TBC1D22B: variants seen among roughly 807,000 people sequenced by gnomAD.
TBC1D22B encodes TBC1 domain family member 22B.
TBC1D22B carries 32 observed loss-of-function variants against 69.1 expected under a neutral mutation model. That is an observed-to-expected ratio of 0.46 (90% CI 0.35 to 0.62). TBC1D22B has a LOEUF of 0.62. TBC1D22B is among the 20% of genes least tolerant of loss of function. The pLI is 0.00. For synonymous variants in TBC1D22B, 206 were observed against 229.8 expected (o/e 0.90, Z 0.94); for missense variants, 462 against 630.9 (o/e 0.73, Z 2.87).
At chr6:37,330,034 A>G (rs1333523020) in intron 12 of TBC1D22B, among the ~76,000 whole-genome samples, 1 of 152,208 alleles carries the variant, frequency 6.6e-6, no homozygotes, top group African/African-American at 2.4e-5. Flanking sequence ...CGGATCAGCT[A>G]GGAGCAGGGT....
At chr6:37,285,280 G>A (rs1043370461) in intron 6 of TBC1D22B, among the ~76,000 whole-genome samples, 3 of 139,272 alleles carry the variant, frequency 2.2e-5, no homozygotes, top group Admixed American at 7.2e-5. Context: ...TTCAGCTTCA[G>A]TTACTGAAGG....
chr6:37,328,853 A>G (rs1768504297), intron 12 of TBC1D22B, among the ~76,000 whole-genome samples: 1 of 152,026 alleles, frequency 6.6e-6, no homozygotes. Context: ...CAGCCTCCCA[A>G]GTAGCTGGGA....
At chr6:37,316,656 A>G (rs1768089340) in intron 10 of TBC1D22B, 47 bp from the exon 11 acceptor site, 1 of 1,609,658 alleles carries the variant, frequency 6.2e-7, no homozygotes, top group African/African-American at 1.3e-5. Context: ...TGGCCCTTTC[A>G]GGGTCCAGTC....
chr6:37,306,915 G>C (rs946218163), intron 8 of TBC1D22B, among the ~76,000 whole-genome samples: 3 of 152,170 alleles, frequency 2.0e-5, no homozygotes, highest in African/African-American at 7.2e-5. Flanking sequence ...CCACCTCCCA[G>C]TGGGTCTCTT....
chr6:37,285,829 C>T (rs1382354508), intron 6 of TBC1D22B, among the ~76,000 whole-genome samples: 1 of 152,190 alleles, frequency 6.6e-6, no homozygotes, highest in Admixed American at 6.5e-5. Context: ...ACCATGTTGG[C>T]CAGGCTGGTC....
intron 8 of TBC1D22B, among the ~76,000 whole-genome samples, chr6:37,293,878 C>T (rs549637737): frequency 6.6e-6 from 1 of 152,300 alleles, no homozygotes; most frequent in Non-Finnish European, 1.5e-5. Context: ...ATGAACTAGC[C>T]ACAACATTCC....
intron 2 of TBC1D22B, 43 bp downstream of exon 2, chr6:37,269,693 C>T (rs772658453): frequency 1.9e-6 from 3 of 1,557,506 alleles, no homozygotes; most frequent in Non-Finnish European, 2.7e-6. Flanking sequence ...CTGCTGTCAC[C>T]CCTATACCCT....
intron 8 of TBC1D22B, among the ~76,000 whole-genome samples, chr6:37,306,006 T>C (rs1038162619): frequency 2.0e-5 from 3 of 152,204 alleles, no homozygotes; most frequent in Non-Finnish European, 2.9e-5. Context: ...TCCCATGTGA[T>C]AGGCAGCTGA....
intron 4 of TBC1D22B, 48 bp from the exon 5 acceptor site, chr6:37,282,834 A>G: frequency 6.3e-7 from 1 of 1,592,132 alleles, no homozygotes; most frequent in Non-Finnish European, 8.6e-7. Flanking sequence ...GGTTTGCTTT[A>G]GAGCATTTGT....
At chr6:37,285,897 C>T (rs1766992046) in intron 6 of TBC1D22B, among the ~76,000 whole-genome samples, 1 of 152,258 alleles carries the variant, frequency 6.6e-6, no homozygotes, top group South Asian at 2.1e-4. Flanking sequence ...GCTGGGATCA[C>T]AGGCGTGAGC....
intron 10 of TBC1D22B, among the ~76,000 whole-genome samples, chr6:37,315,392 A>G (rs1768045870): frequency 6.6e-6 from 1 of 152,056 alleles, no homozygotes; most frequent in South Asian, 2.1e-4. Flanking sequence ...CCCCATCTCT[A>G]CAAAAAATTT....
chr6:37,303,045 G>A (rs930271873), intron 8 of TBC1D22B, among the ~76,000 whole-genome samples: 2 of 152,176 alleles, frequency 1.3e-5, no homozygotes, highest in Non-Finnish European at 2.9e-5. Flanking sequence ...AAGGAAGCAA[G>A]GCATACTTCT....
Position 37,284,470 on chromosome 6 carries a change from G to C in TBC1D22B, c.801+6G>C, listed in dbSNP as rs781322335. ...ACCAGGATACCTACAGACAGGTACA[G>C]TCACCACCTGCTGCCTCTTTGCTTA... On this transcript the variant is annotated splice_donor_region_variant and intron_variant, in intron 6 of 12. Transcript: ENST00000373491. The C allele has an allele frequency of 1.3e-6, 2 of 1,561,310 alleles. No homozygotes were observed. Among genetic ancestry groups the C allele is most frequent in the African/African-American group, 2.7e-5 (2 of 72,972 alleles).
At chr6:37,285,718 C>A (rs1344479803) in intron 6 of TBC1D22B, among the ~76,000 whole-genome samples, 1 of 152,214 alleles carries the variant, frequency 6.6e-6, no homozygotes, top group African/African-American at 2.4e-5. Context: ...GTCTTGAACT[C>A]CTGGCCTCAG....
chr6:37,289,613 G>T (rs1767115899), intron 7 of TBC1D22B, among the ~76,000 whole-genome samples: 1 of 152,202 alleles, frequency 6.6e-6, no homozygotes. Flanking sequence ...ACAAGGGGCT[G>T]ATCCTATAGA....
intron 12 of TBC1D22B, among the ~76,000 whole-genome samples, chr6:37,326,482 T>C (rs1315661331): frequency 1.3e-5 from 2 of 151,910 alleles, no homozygotes. Flanking sequence ...TAGAAAAATT[T>C]AGAAAATTCC....
rs558683270 is a variant in TBC1D22B, at chr6:37,313,184, T to C, written c.1089+160T>C. On this transcript the variant is annotated intron_variant, in intron 9 of 12. Coordinates refer to ENST00000373491, the MANE Select transcript of TBC1D22B (RefSeq NM_017772.4). ...CATCTCTATCCTTCTTCATTGGCTT[T>C]ACAGCTTTCAAACAGCAATGGTGGG... 2.6e-5 allele frequency among the ~76,000 whole-genome samples: 4 copies of C among 152,276 alleles called. No individual in the cohort carries two copies. In the South Asian group the frequency reaches 8.3e-4, roughly 32 times the overall value.
intron 12 of TBC1D22B, among the ~76,000 whole-genome samples, chr6:37,320,626 C>CA (rs1423766480): frequency 6.6e-6 from 1 of 152,126 alleles, no homozygotes; most frequent in Non-Finnish European, 1.5e-5. Flanking sequence ...GAGGAGGCAT[C>CA]AGAGTACACA....
At chr6:37,267,746 T>C (rs1283265223) in intron 1 of TBC1D22B, among the ~76,000 whole-genome samples, 1 of 151,840 alleles carries the variant, frequency 6.6e-6, no homozygotes, top group Non-Finnish European at 1.5e-5. Flanking sequence ...TTCTAGTTGA[T>C]TATATTATTT....
Sources: gnomAD v4.1 joint callset for allele counts (sites outside exome capture counted in the v4.1 genomes callset) on GRCh38, gnomAD v4.1.1 for gene constraint, MANE v1.5 for transcripts, NCBI Gene and HGNC (gene_info 2026-07-23, HGNC 2026-07-21) for gene names.